Variants in LMBR1 observed in about 807,000 individuals in gnomAD.
The protein encoded by LMBR1 is limb development membrane protein 1, also known as limb region 1 protein homolog.
Under a neutral mutation model 73.9 loss-of-function variants are expected in LMBR1, and 52 were observed. That is an observed-to-expected ratio of 0.70 (90% CI 0.56 to 0.89). The LOEUF (loss-of-function observed/expected upper bound fraction) is 0.89, where lower values mean the gene tolerates loss of function less well. LMBR1 is among the 40% of genes least tolerant of loss of function. The pLI is 0.00. For missense variants in LMBR1, 539 were observed against 579.8 expected (o/e 0.93, Z 0.72); for synonymous variants, 215 against 209.4 (o/e 1.03, Z -0.23).
In LMBR1 at chr7:156,892,969, C is replaced by G; in HGVS notation, c.25G>C (p.Ala9Pro). 2.6e-6 allele frequency: 4 copies of G among 1,543,114 alleles called. No individual in the cohort carries two copies. The highest frequency in any genetic ancestry group is 2.6e-6 in the Non-Finnish European group (3 of 1,152,082). Reference protein sequence around the residue: MEGQDEVSAREQHFHSQVR... With the variant: MEGQDEVSPREQHFHSQVR... Reference sequence around the variant, plus strand: ...TGGCTGTGGAAGTGCTGCTCCCGCGCCGACACCTCGTCCTGCCCTTCCATC... The same window carrying G: ...TGGCTGTGGAAGTGCTGCTCCCGCGGCGACACCTCGTCCTGCCCTTCCATC... Residue 9 changes from alanine to proline, a missense_variant, in exon 1 of 17, where the codon GCG (alanine) becomes CCG (proline). This residue lies in a region of LMBR1 where 454 missense variants were observed against 473.4 expected (regional missense o/e 0.96). Coordinates refer to ENST00000353442, the MANE Select transcript of LMBR1 (RefSeq NM_022458.4).
chr7:156,837,033 T>C, intron 1 of LMBR1, 148 bp from the exon 2 acceptor site: 1 of 614,422 alleles, frequency 1.6e-6, no homozygotes, highest in South Asian at 2.1e-5. Context: ...AAAGTTTTAA[T>C]AAAACATAGG....
At chr7:156,868,633 A>G (rs1248916251) in intron 1 of LMBR1, among the ~76,000 whole-genome samples, 1 of 151,896 alleles carries the variant, frequency 6.6e-6, no homozygotes, top group Non-Finnish European at 1.5e-5. Context: ...ACTGCCCTCC[A>G]GCTTGGGCAA....
chr7:156,734,134 A>T, intron 10 of LMBR1, 43 bp downstream of exon 10: 1 of 1,258,928 alleles, frequency 7.9e-7, no homozygotes, highest in Non-Finnish European at 1.1e-6. Flanking sequence ...TTTAATAAGA[A>T]ACCAAGGCCA....
At chr7:156,813,671 C>T (rs1833463315) in intron 4 of LMBR1, among the ~76,000 whole-genome samples, 1 of 152,170 alleles carries the variant, frequency 6.6e-6, no homozygotes, top group Admixed American at 6.5e-5. Flanking sequence ...TCTTTTTCTC[C>T]TTTTCCCACA....
At chr7:156,796,300 A>C in intron 5 of LMBR1, 89 bp downstream of exon 5, 3 of 794,858 alleles carry the variant, frequency 3.8e-6, no homozygotes, top group Non-Finnish European at 4.0e-6. Flanking sequence ...ATTCCATTTA[A>C]ATAATTTAAG....
chr7:156,707,548 T>C (rs1237302295), intron 15 of LMBR1, among the ~76,000 whole-genome samples: 1 of 152,006 alleles, frequency 6.6e-6, no homozygotes, highest in Non-Finnish European at 1.5e-5. Flanking sequence ...ATACCAGGAG[T>C]GTAAGGATGG....
intron 9 of LMBR1, among the ~76,000 whole-genome samples, chr7:156,752,199 T>C (rs754493281): frequency 9.2e-5 from 14 of 152,142 alleles, no homozygotes; most frequent in Non-Finnish European, 1.9e-4. Context: ...AACCTGACCA[T>C]GGCATTTCAT....
Position 156,829,626 on chromosome 7 carries a change from C to A in LMBR1, c.180-2882G>T, listed in dbSNP as rs1194462269. ...CCCAGTTTCAAGTGCTCCTTTATAG[C>A]AACACATAACAGACTAACACTATCA... On this transcript the variant is annotated intron_variant, in intron 3 of 16. Coordinates refer to ENST00000353442, the MANE Select transcript of LMBR1 (RefSeq NM_022458.4). Among the ~76,000 whole-genome samples the A allele has an allele frequency of 3.3e-5, 5 of 152,294 alleles. No homozygotes were observed. The East Asian group carries it at 9.6e-4, about 29-fold the overall frequency.
intron 1 of LMBR1, chr7:156,892,365 C>A (rs1401123272): frequency 6.6e-6 from 1 of 152,266 alleles, no homozygotes; most frequent in Admixed American, 6.5e-5. Context: ...GGTAACCGGC[C>A]GGGTCCAAAC....
chr7:156,688,045 GT>G lies in LMBR1; in HGVS notation c.1371del (p.Glu457AspfsTer6). The G allele has an allele frequency of 1.9e-6, 3 of 1,605,340 alleles. No individual in the cohort carries two copies. Among genetic ancestry groups the G allele is most frequent in the Non-Finnish European group, 2.5e-6 (3 of 1,177,560 alleles). On this transcript the variant is annotated frameshift_variant, in exon 16 of 17. Coordinates refer to ENST00000353442, the MANE Select transcript of LMBR1 (RefSeq NM_022458.4). LOFTEE classifies it high-confidence loss of function. ...VRKFTSAVRE[E>X]LFKALGLHKL... ...TCAGGATTACCTAGGGCCTTGAAAA[GT>G]TCTTCTCGAACTGCAGAGGTGAATT...
At chr7:156,708,262 G>A (rs1254913216) in intron 15 of LMBR1, among the ~76,000 whole-genome samples, 1 of 152,162 alleles carries the variant, frequency 6.6e-6, no homozygotes, top group Non-Finnish European at 1.5e-5. Context: ...CGAATCCTTT[G>A]AAAGAAGCAG....
intron 1 of LMBR1, among the ~76,000 whole-genome samples, chr7:156,874,474 C>T (rs1421690440): frequency 1.3e-5 from 2 of 152,262 alleles, no homozygotes; most frequent in East Asian, 1.9e-4. Context: ...GGCCGAAGGG[C>T]TCCTCAAATG....
chr7:156,802,051 C>T (rs1371863637), intron 4 of LMBR1, among the ~76,000 whole-genome samples: 1 of 152,018 alleles, frequency 6.6e-6, no homozygotes, highest in African/African-American at 2.4e-5. Context: ...GGCGCAATCT[C>T]GGCTCACCGC....
intron 4 of LMBR1, among the ~76,000 whole-genome samples, chr7:156,818,561 C>T (rs1278353069): frequency 6.6e-6 from 1 of 152,126 alleles, no homozygotes; most frequent in Non-Finnish European, 1.5e-5. Context: ...TTATTTAGCT[C>T]TTATTTTGAT....
At chr7:156,703,576 C>A (rs531461817) in intron 15 of LMBR1, among the ~76,000 whole-genome samples, 1 of 152,318 alleles carries the variant, frequency 6.6e-6, no homozygotes, top group African/African-American at 2.4e-5. Flanking sequence ...TCCATGTCTG[C>A]TGGCCACAAC....
intron 1 of LMBR1, 93 bp downstream of exon 1, chr7:156,892,835 G>A: frequency 2.4e-6 from 2 of 833,896 alleles, no homozygotes; most frequent in East Asian, 3.8e-5. Context: ...GAGGCCCGGA[G>A]GTGAGGGGTC....
At chr7:156,719,607 A>G (rs998206645) in intron 15 of LMBR1, among the ~76,000 whole-genome samples, 7 of 152,098 alleles carry the variant, frequency 4.6e-5, no homozygotes, top group African/African-American at 1.7e-4. Context: ...AAACTACTTT[A>G]AAGTTCATAT....
chr7:156,778,310 A>G (rs796848506), intron 5 of LMBR1, among the ~76,000 whole-genome samples: 8 of 152,340 alleles, frequency 5.3e-5, no homozygotes, highest in African/African-American at 1.7e-4. Context: ...CAAGCCATCA[A>G]AATTATTTAA....
In LMBR1 at chr7:156,858,220, A is replaced by G. The variant is rs573837451; in HGVS notation, c.67-21335T>C. ...CAGGCCAACCAAGTAGAAAAAGAAC[A>G]CAAATTACTAACACATGAAAATGAA... On this transcript the variant is annotated intron_variant, in intron 1 of 16. Transcript: ENST00000353442. Among the ~76,000 whole-genome samples, 26 of 152,226 alleles carry G rather than the reference A, an allele frequency of 1.7e-4. No individual in the cohort carries two copies. The South Asian group carries it at 5.4e-3, about 32-fold the overall frequency.
Sources: allele counts gnomAD v4.1 joint callset (sites outside exome capture counted in the v4.1 genomes callset), GRCh38; gene constraint gnomAD v4.1.1; regional missense constraint gnomAD v4.1.1; transcripts MANE v1.5; gene names NCBI Gene and HGNC (gene_info 2026-07-23, HGNC 2026-07-21).